Variants in CSMD1 observed in about 807,000 individuals in gnomAD.
The protein encoded by CSMD1 is CUB and sushi domain-containing protein 1.
A neutral mutation model predicts 417.5 loss-of-function variants in CSMD1; 213 were observed. The observed-to-expected ratio is 0.51, with a 90% CI of 0.46 to 0.57. The LOEUF is 0.57. Among genes scored for constraint, CSMD1 ranks in the 20% least tolerant of loss-of-function variants. The pLI, the probability that CSMD1 is intolerant of heterozygous loss-of-function variation, is 0.00. For synonymous variants in CSMD1, 2,862 were observed against 1,736.8 expected, an observed-to-expected ratio of 1.65 and a Z score of -16.11; for missense variants, 6,923 against 4,529.7, an observed-to-expected ratio of 1.53 and a Z score of -15.17.
At chr8:3,181,706 C>A (rs1376508386) in intron 36 of CSMD1, among the ~76,000 whole-genome samples, 1 of 152,098 alleles carries the variant, frequency 6.6e-6, no homozygotes, top group Admixed American at 6.6e-5. Flanking sequence ...TAATGTTCCC[C>A]CTGGATCTGT....
At chr8:4,196,116 C>T (rs899831951) in intron 3 of CSMD1, among the ~76,000 whole-genome samples, 2 of 152,052 alleles carry the variant, frequency 1.3e-5, no homozygotes, top group Non-Finnish European at 2.9e-5. Context: ...GAGACTGAGG[C>T]AGGAGAATGG....
chr8:4,347,810 A>T (rs978397334), intron 3 of CSMD1, among the ~76,000 whole-genome samples: 1 of 151,128 alleles, frequency 6.6e-6, no homozygotes, highest in Admixed American at 6.6e-5. Flanking sequence ...ATAATCACTT[A>T]AACAGATATT....
intron 11 of CSMD1, among the ~76,000 whole-genome samples, chr8:3,475,647 C>T (rs1007469307): frequency 2.6e-5 from 4 of 152,192 alleles, no homozygotes; most frequent in African/African-American, 9.6e-5. Context: ...ATCTTTTGCA[C>T]AGATTTCAGT....
At chr8:3,593,545 G>C (rs1242075169) in intron 8 of CSMD1, among the ~76,000 whole-genome samples, 3 of 152,174 alleles carry the variant, frequency 2.0e-5, no homozygotes, top group Non-Finnish European at 4.4e-5. Flanking sequence ...GTCCTTGAGA[G>C]AGAGTGAAGG....
intron 2 of CSMD1, among the ~76,000 whole-genome samples, chr8:4,529,155 C>T (rs1477683967): frequency 6.6e-6 from 1 of 152,084 alleles, no homozygotes; most frequent in Admixed American, 6.6e-5. Flanking sequence ...TCCAGGGACC[C>T]TTTGGGGGAT....
chr8:4,427,718 C>T (rs1037509722), intron 2 of CSMD1, among the ~76,000 whole-genome samples: 4 of 152,190 alleles, frequency 2.6e-5, no homozygotes, highest in Non-Finnish European at 5.9e-5. Context: ...TTCAGCATAT[C>T]ACTAATTTGA....
At chr8:4,497,085 C>T (rs758290207) in intron 2 of CSMD1, among the ~76,000 whole-genome samples, 3 of 152,152 alleles carry the variant, frequency 2.0e-5, no homozygotes, top group Admixed American at 6.5e-5. Flanking sequence ...AGACAGACGC[C>T]ATCGACATTT....
intron 12 of CSMD1, among the ~76,000 whole-genome samples, chr8:3,458,922 A>C (rs753991430): frequency 1.4e-4 from 21 of 152,308 alleles, no homozygotes; most frequent in South Asian, 2.1e-4. Flanking sequence ...AGCCACAGGG[A>C]AACATTGGAA....
chr8:4,299,821 GGT>G (rs146487093), intron 3 of CSMD1, among the ~76,000 whole-genome samples: 2,363 of 152,060 alleles, frequency 0.016, 51 homozygotes, highest in African/African-American at 0.053. Flanking sequence ...AGTACAGATG[GGT>G]TTTCACCTTC....
At chr8:4,144,542 C>T (rs756756031) in intron 3 of CSMD1, among the ~76,000 whole-genome samples, 1 of 151,014 alleles carries the variant, frequency 6.6e-6, no homozygotes, top group East Asian at 1.9e-4. Context: ...CCTCCAGAAT[C>T]TGGTTAGAGT....
At chr8:4,986,972 C>G (rs566084803) in intron 1 of CSMD1, among the ~76,000 whole-genome samples, 1 of 152,196 alleles carries the variant, frequency 6.6e-6, no homozygotes, top group African/African-American at 2.4e-5. Context: ...ATATATAATA[C>G]ATAGATAATG....
At chr8:4,935,157 G>C (rs949664396) in intron 1 of CSMD1, among the ~76,000 whole-genome samples, 1 of 152,206 alleles carries the variant, frequency 6.6e-6, no homozygotes, top group African/African-American at 2.4e-5. Flanking sequence ...CACAGGTGAG[G>C]ATTTTAAATT....
At chr8:4,409,163 C>T (rs894535903) in intron 3 of CSMD1, among the ~76,000 whole-genome samples, 4 of 151,956 alleles carry the variant, frequency 2.6e-5, no homozygotes, top group African/African-American at 9.7e-5. Flanking sequence ...TACAAAATGA[C>T]CTTCAAATGG....
At chr8:3,396,414 T>TGC (rs1334723133) in intron 16 of CSMD1, 33 bp from the exon 17 acceptor site, 54 of 1,469,878 alleles carry the variant, frequency 3.7e-5, no homozygotes, top group Non-Finnish European at 4.9e-5. Flanking sequence ...AGAAAAGACA[T>TGC]GCAGAACTGC....
At position 4,530,761 on chromosome 8, in the gene CSMD1, T is replaced by G. The variant is rs186638878; in HGVS notation, c.302+106581A>C. On this transcript the variant is annotated intron_variant, in intron 2 of 69. Transcript: ENST00000635120. The stretch of plus-strand genomic sequence containing the variant: ...AGTATATCACTGATGGGCATTTGGG[T>G]TGCTTCCAAGTCTTTGCTATTGACC... Among the ~76,000 whole-genome samples the G allele has an allele frequency of 1.5e-4, 22 of 151,456 alleles. 1 individual carries two copies. The East Asian group carries it at 4.3e-3, about 29-fold the overall frequency.
At chr8:3,799,722 C>G (rs1045458396) in intron 5 of CSMD1, among the ~76,000 whole-genome samples, 4 of 151,938 alleles carry the variant, frequency 2.6e-5, no homozygotes, top group Non-Finnish European at 5.9e-5. Flanking sequence ...GTTTGACATT[C>G]TGTGCATTGT....
At chr8:3,802,981 A>G (rs1344910992) in intron 5 of CSMD1, among the ~76,000 whole-genome samples, 1 of 152,188 alleles carries the variant, frequency 6.6e-6, no homozygotes, top group African/African-American at 2.4e-5. Flanking sequence ...ATCATGTTGT[A>G]GGGTGAAATA....
rs73505724 is a variant in CSMD1 at position 3,540,450 on chromosome 8, A to T, written c.1344+34495T>A. On this transcript the variant is annotated intron_variant, in intron 10 of 69. Coordinates refer to ENST00000635120, the MANE Select transcript of CSMD1 (RefSeq NM_033225.6). ...AACCCTAGAATAAAATCAAGGCAAT[A>T]CTATTCAGGACATAGTCACGGGCAA... 5.0e-3 allele frequency among the ~76,000 whole-genome samples: 764 copies of T among 152,354 alleles called. 11 individuals are homozygous for T. The highest frequency in any genetic ancestry group is 0.017 in the African/African-American group (693 of 41,578).
chr8:4,750,249 C>A (rs920576628), intron 1 of CSMD1, among the ~76,000 whole-genome samples: 2 of 150,278 alleles, frequency 1.3e-5, no homozygotes, highest in Admixed American at 6.6e-5. Flanking sequence ...CATTGTGATC[C>A]GCCCGCCTCG....
Sources: allele counts gnomAD v4.1 joint callset (sites outside exome capture counted in the v4.1 genomes callset), GRCh38; gene constraint gnomAD v4.1.1; transcripts MANE v1.5; gene names NCBI Gene and HGNC (gene_info 2026-07-23, HGNC 2026-07-21).